The following NUDT14 variants were observed in gnomAD, a reference collection of about 807,000 sequenced individuals.
NUDT14 encodes the protein uridine diphosphate glucose pyrophosphatase NUDT14.
In NUDT14, 22 loss-of-function variants were observed where a neutral mutation model predicts 17.5. That is an observed-to-expected ratio of 1.26 (90% CI 0.90 to 1.80). NUDT14 has a LOEUF of 1.80. Ranked by LOEUF, NUDT14 falls within the 40% of genes most tolerant of loss-of-function variation. NUDT14 has a pLI of 0.00. For synonymous variants in NUDT14, 129 were observed against 125.8 expected (o/e 1.03, Z -0.17); for missense variants, 296 against 295.6 (o/e 1.00, Z -0.01).
chr14:105,176,493 C>G, intron 4 of NUDT14, 41 bp downstream of exon 4: 1 of 1,503,494 alleles, frequency 6.7e-7, no homozygotes, highest in South Asian at 1.1e-5. Context: ...TCTCCCATCT[C>G]CTGAGTCACA....
intron 1 of NUDT14, among the ~76,000 whole-genome samples, chr14:105,180,380 A>G (rs886761958): frequency 6.6e-6 from 1 of 152,118 alleles, no homozygotes; most frequent in Non-Finnish European, 1.5e-5. Flanking sequence ...AGGCAGGAGG[A>G]TCGCTTGAGC....
At position 105,173,214 on chromosome 14, in the gene NUDT14, T is replaced by A; in HGVS notation, c.476A>T (p.Glu159Val). ...TGSRQTMFYT[E>V]VTDAQRSGPG... The stretch of plus-strand genomic sequence containing the variant: ...ACCGCTACGCTGGGCATCTGTCACC[T>A]CTGTGTAGAACATGGTCTGTCTGGA... Residue 159 changes from glutamate (E) to valine (V), a missense_variant, in exon 5 of 5, where the codon GAG (glutamate) becomes GTG (valine). Physicochemically the swap from Glu to Val is moderately radical, Grantham distance 121 (BLOSUM62 -2). Coordinates refer to ENST00000392568, the MANE Select transcript of NUDT14 (RefSeq NM_177533.5). The surrounding 1 kb of genome is among the most constrained non-coding windows in gnomAD (Gnocchi z 4.7). 3.7e-6 allele frequency: 6 copies of A among 1,607,390 alleles called. No individual in the cohort carries two copies. The highest frequency in any genetic ancestry group is 5.1e-6 in the Non-Finnish European group (6 of 1,177,576).
chr14:105,176,125 T>C, intron 4 of NUDT14: 1 of 599,372 alleles, frequency 1.7e-6, no homozygotes, highest in Non-Finnish European at 2.5e-6. Context: ...CTAGTGCCTG[T>C]TCCCCAGGAG....
chr14:105,176,410 C>T, intron 4 of NUDT14, 124 bp downstream of exon 4: 2 of 847,356 alleles, frequency 2.4e-6, no homozygotes, highest in Non-Finnish European at 3.9e-6. Context: ...GTCCAACCCT[C>T]CCCTAATCCC....
In NUDT14 at chr14:105,173,824, C is replaced by A. The variant is rs1286787923; in HGVS notation, c.429-563G>T. 6.6e-6 allele frequency: 1 copy of A among 151,484 alleles called. No homozygotes were observed. The highest frequency in any genetic ancestry group is 2.0e-4 in the East Asian group (1 of 5,056). The allele number at this position is 151,484 out of a possible 1,614,324, so 9.4% of individuals were successfully genotyped here. A position where few individuals can be genotyped will look rare whatever the true frequency, so the allele number is the denominator to read the frequency against. ...AACCTGTCAAGGCCAAGCAGAAGAC[C>A]CCACCCCTGTCTGCAGCCCCCAACC... is the stretch of plus-strand genomic sequence containing the variant. On this transcript the variant is annotated intron_variant, in intron 4 of 4. Transcript: ENST00000392568. This position sits in a 1 kb window ranked among gnomAD's most constrained non-coding sequence, Gnocchi z 4.7.
At chr14:105,176,446 T>A in intron 4 of NUDT14, 88 bp downstream of exon 4, 1 of 1,081,338 alleles carries the variant, frequency 9.2e-7, no homozygotes. Context: ...GAGGAATCCA[T>A]CCTGCTTGCA....
Position 105,181,181 on chromosome 14 carries a change from C to T in NUDT14, c.29G>A (p.Gly10Asp), listed in dbSNP as rs1223099166. 10 of 1,182,176 alleles carry T rather than the reference C, an allele frequency of 8.5e-6. No individual in the cohort carries two copies. In the East Asian group the frequency reaches 5.0e-4, roughly 59 times the overall value. The allele number at this position is 1,182,176 out of a possible 1,614,324, so 73.2% of individuals were successfully genotyped here. ...CAGGTAGGGTGAGGCGGCGCAGCGG[C>T]CCACGGACGCCCCCTCGATGCGCTC... MERIEGASV[G>D]RCAASPYLRP... The change falls in exon 1 of 5, where the codon GGC (glycine) becomes GAC (aspartate). Residue 10 changes from glycine to aspartate, a missense_variant. By Grantham distance (94) the Gly-to-Asp change is moderately conservative (BLOSUM62 -1). Coordinates refer to ENST00000392568, the MANE Select transcript of NUDT14 (RefSeq NM_177533.5). The surrounding 1 kb of genome is among the most constrained non-coding windows in gnomAD (Gnocchi z 5.0).
intron 1 of NUDT14, among the ~76,000 whole-genome samples, chr14:105,178,175 C>T (rs1007007681): frequency 1.3e-5 from 2 of 151,924 alleles, no homozygotes; most frequent in Non-Finnish European, 2.9e-5. Flanking sequence ...TTCCTTGGGC[C>T]ACTGAACAGG....
In NUDT14 at chr14:105,181,085, G is replaced by T; in HGVS notation, c.81+44C>A. ...GTGGGCGGGGCGCGGGTCGTGGGCC[G>T]GGCCGCCGGCGGGGGCGCGGGGGAC... On this transcript the variant is annotated intron_variant, in intron 1 of 4. Transcript: ENST00000392568. The surrounding 1 kb of genome is among the most constrained non-coding windows in gnomAD (Gnocchi z 5.0). 7.4e-6 allele frequency: 5 copies of T among 677,058 alleles called. No individual in the cohort carries two copies. The highest frequency in any genetic ancestry group is 9.3e-6 in the Non-Finnish European group (5 of 538,094). The allele number at this position is 677,058 out of a possible 1,614,324, so 41.9% of individuals were successfully genotyped here. A position where few individuals can be genotyped will look rare whatever the true frequency, so the allele number is the denominator to read the frequency against.
Position 105,177,675 on chromosome 14 carries a change from C to G in NUDT14, c.125+17G>C. On this transcript the variant is annotated intron_variant, in intron 2 of 4. Transcript: ENST00000392568. ...GTCTGGGGCTTCCCCAGTGGCCAGG[C>G]TGGGCCAGGCTCTCACCTGTCATGC... 6.2e-7 allele frequency: 1 copy of G among 1,611,850 alleles called. No homozygotes were observed. The highest frequency in any genetic ancestry group is 2.2e-5 in the East Asian group (1 of 44,866).
At position 105,173,571 on chromosome 14, in the gene NUDT14, C is replaced by T. The variant is rs1889151412; in HGVS notation, c.429-310G>A. The T allele has an allele frequency of 7.7e-6, 2 of 261,008 alleles. No individual in the cohort carries two copies. Among genetic ancestry groups the T allele is most frequent in the Non-Finnish European group, 7.3e-6 (1 of 137,780 alleles). The allele number at this position is 261,008 out of a possible 1,614,324, so 16.2% of individuals were successfully genotyped here. ...GAGAGCATCCTAGGCGGGCATGGCC[C>T]GATCACGAAGCCCTCCAGAGGGTGT... is the stretch of plus-strand genomic sequence containing the variant. On this transcript the variant is annotated intron_variant, in intron 4 of 4. Coordinates refer to ENST00000392568, the MANE Select transcript of NUDT14 (RefSeq NM_177533.5). The surrounding 1 kb of genome is among the most constrained non-coding windows in gnomAD (Gnocchi z 4.7).
chr14:105,176,274 A>G (rs1889209818), intron 4 of NUDT14, among the ~76,000 whole-genome samples: 1 of 152,192 alleles, frequency 6.6e-6, no homozygotes, highest in African/African-American at 2.4e-5. Flanking sequence ...ACCTGTCAGC[A>G]GCAGCTGTCA....
intron 4 of NUDT14, chr14:105,175,978 C>G (rs1001015122): frequency 7.9e-7 from 1 of 1,272,948 alleles, no homozygotes. Context: ...AGGAGCCCAT[C>G]GTAGCGTCCC....
chr14:105,174,118 C>T (rs761469039), intron 4 of NUDT14, among the ~76,000 whole-genome samples: 5 of 152,016 alleles, frequency 3.3e-5, no homozygotes, highest in Non-Finnish European at 5.9e-5. Flanking sequence ...AGTACCAGGC[C>T]CAGTGGCCCA....
chr14:105,176,807 C>G, intron 3 of NUDT14, 36 bp from the exon 4 acceptor site: 1 of 1,598,722 alleles, frequency 6.3e-7, no homozygotes, highest in Non-Finnish European at 8.6e-7. Context: ...CTCACAGCCA[C>G]GTGGTGGCCA....
intron 4 of NUDT14, among the ~76,000 whole-genome samples, chr14:105,174,676 G>A (rs1216168378): frequency 6.6e-6 from 1 of 152,172 alleles, no homozygotes; most frequent in African/African-American, 2.4e-5. Context: ...CGGGTCTGGG[G>A]TTTCCAGCCC....
intron 1 of NUDT14, among the ~76,000 whole-genome samples, chr14:105,180,628 T>A (rs1198711766): frequency 6.6e-6 from 1 of 151,958 alleles, no homozygotes; most frequent in African/African-American, 2.4e-5. Context: ...GGAGGTGCCC[T>A]CCCTGGAAAA....
intron 1 of NUDT14, among the ~76,000 whole-genome samples, chr14:105,179,543 G>T (rs1394544038): frequency 6.6e-6 from 1 of 152,254 alleles, no homozygotes; most frequent in African/African-American, 2.4e-5. Flanking sequence ...GAGGCTTCAC[G>T]GGGAGTGAGG....
At position 105,176,705 on chromosome 14, in the gene NUDT14, G is replaced by A. The variant is rs751623123; in HGVS notation, c.257C>T (p.Pro86Leu). ...GGGCAGGGCTGGCTGTAGCTCCCGA[G>A]GCCCGTCCTGGTCTACAGCTGCTAG... is the stretch of plus-strand genomic sequence containing the variant. ...GSLAAVDQDG[P>L]RELQPALPGS... Residue 86 changes from proline to leucine, a missense_variant, in exon 4 of 5, where the codon CCT becomes CTT. By Grantham distance (98) the Pro-to-Leu change is moderately conservative. Coordinates refer to ENST00000392568, the MANE Select transcript of NUDT14 (RefSeq NM_177533.5). 2.5e-6 allele frequency: 4 copies of A among 1,612,642 alleles called. No homozygotes were observed. Among genetic ancestry groups the A allele is most frequent in the Admixed American group, 3.3e-5 (2 of 60,010 alleles).
Sources: gnomAD v4.1 joint callset for allele counts (sites outside exome capture counted in the v4.1 genomes callset) on GRCh38, gnomAD v4.1.1 for gene constraint, Gnocchi (gnomAD v3.1) non-coding constraint, MANE v1.5 for transcripts, NCBI Gene and HGNC (gene_info 2026-07-23, HGNC 2026-07-21) for gene names.